Variants in TRIM49B observed in about 807,000 individuals in gnomAD.
TRIM49B encodes tripartite motif containing 49B.
A neutral mutation model predicts 31.8 loss-of-function variants in TRIM49B; 18 were observed. The observed-to-expected ratio is 0.57, with a 90% CI of 0.39 to 0.84. The LOEUF (loss-of-function observed/expected upper bound fraction) is 0.84, where lower values mean the gene tolerates loss of function less well. Among genes scored for constraint, TRIM49B ranks in the 40% least tolerant of loss-of-function variants. The pLI, the probability that TRIM49B is intolerant of heterozygous loss-of-function variation, is 0.00. For missense variants in TRIM49B, 494 were observed against 538.7 expected (o/e 0.92, Z 0.82); for synonymous variants, 196 against 180.6 (o/e 1.09, Z -0.68).
rs1162056301 is a variant in TRIM49B at position 49,035,339 on chromosome 11, ATTTTTTTTTTTTTTTTTTTTTTT to A, written c.761+238_761+260del. Among the ~76,000 whole-genome samples, 5 of 56,810 alleles carry A rather than the reference ATTTTTTTTTTTTTTTTTTTTTTT, an allele frequency of 8.8e-5. No homozygotes were observed. In the Admixed American group the frequency reaches 1.1e-3, roughly 13 times the overall value. 37.3% of individuals were successfully genotyped at this position (56,810 alleles called of 152,430 possible). On this transcript the variant is annotated intron_variant, in intron 5 of 6. Coordinates refer to ENST00000332682, the MANE Select transcript of TRIM49B (RefSeq NM_001206626.2). ...ACTAAAACAAACAATTTGATTCCTGATTTTTTTTTTTTTTTTTTTTTTTTTTTTTTTTTTTTTTGAGACGGTGT... is the reference window on the plus strand; with the variant it reads ...ACTAAAACAAACAATTTGATTCCTGATTTTTTTTTTTTTTTGAGACGGTGT...
rs183779774 is a variant in TRIM49B, at chr11:49,031,524, C to T, written c.-4-72C>T. 2.5e-4 allele frequency: 394 copies of T among 1,572,168 alleles called. No homozygotes were observed. The African/African-American group carries it at 4.7e-3, about 19-fold the overall frequency. On this transcript the variant is annotated intron_variant, in intron 1 of 6. Coordinates refer to ENST00000332682, the MANE Select transcript of TRIM49B (RefSeq NM_001206626.2). ...TCAAGAGAAGAAAATATAACTATCACATATCTCCACATGTTTAGAAGCTTT... is the reference window on the plus strand; with the variant it reads ...TCAAGAGAAGAAAATATAACTATCATATATCTCCACATGTTTAGAAGCTTT...
In TRIM49B at chr11:49,038,076, A is replaced by G; in HGVS notation, c.*99A>G. On this transcript the variant is annotated 3_prime_UTR_variant, in exon 7 of 7. Transcript: ENST00000332682. Reference sequence around the variant, plus strand: ...TTAACATACAGGACAAATAGGCTCTATTTTATATCTTGAATTGCCTTCTAA... The same window carrying G: ...TTAACATACAGGACAAATAGGCTCTGTTTTATATCTTGAATTGCCTTCTAA... 1 of 1,558,136 alleles carries G rather than the reference A, an allele frequency of 6.4e-7. No homozygotes were observed. Among genetic ancestry groups the G allele is most frequent in the Non-Finnish European group, 8.6e-7 (1 of 1,160,942 alleles).
At chr11:49,030,070 G>A (rs964391082) in intron 1 of TRIM49B, among the ~76,000 whole-genome samples, 56 of 152,086 alleles carry the variant, frequency 3.7e-4, no homozygotes, top group Non-Finnish European at 6.3e-4. Flanking sequence ...ACTGTGGCAC[G>A]TGCCTATAAT....
intron 6 of TRIM49B, 29 bp from the exon 7 acceptor site, chr11:49,037,449 T>A: frequency 1.3e-6 from 2 of 1,597,250 alleles, no homozygotes; most frequent in Non-Finnish European, 1.7e-6. Context: ...TATTTACACG[T>A]CTATGCATGT....
intron 5 of TRIM49B, among the ~76,000 whole-genome samples, chr11:49,036,080 C>A (rs1481234950): frequency 1.1e-4 from 16 of 149,944 alleles, no homozygotes; most frequent in Non-Finnish European, 7.4e-5. Flanking sequence ...ACATTTGGGG[C>A]AAAAAAAAAG....
At position 49,031,777 on chromosome 11, in the gene TRIM49B, G is replaced by A; in HGVS notation, c.178G>A (p.Gly60Arg). 1 of 1,613,962 alleles carries A rather than the reference G, an allele frequency of 6.2e-7. No homozygotes were observed. The highest frequency in any genetic ancestry group is 8.5e-7 in the Non-Finnish European group (1 of 1,179,870). Residue 60 changes from glycine (G) to arginine (R), a missense_variant, in exon 2 of 7, where the codon GGG becomes AGG. This residue lies in a region of TRIM49B where 251 missense variants were observed against 232.8 expected (regional missense o/e 1.08). Coordinates refer to ENST00000332682, the MANE Select transcript of TRIM49B (RefSeq NM_001206626.2). ...GTGCTCTGAATGCACAAAGTCAACAGGGCAGATAAACCTCAAAACCAACAT... is the reference window on the plus strand; with the variant it reads ...GTGCTCTGAATGCACAAAGTCAACAAGGCAGATAAACCTCAAAACCAACAT... ...VQCSECTKST[G>R]QINLKTNIHF...
chr11:49,037,699 T>C lies in TRIM49B; in HGVS notation c.1081T>C (p.Tyr361His), dbSNP rs1369121093. The C allele has an allele frequency of 5.6e-6, 9 of 1,613,800 alleles. No individual in the cohort carries two copies. The highest frequency in any genetic ancestry group is 4.0e-5 in the African/African-American group (3 of 74,898). The change falls in exon 7 of 7, where the codon TAT (tyrosine) becomes CAT (histidine). Residue 361 changes from tyrosine to histidine, a missense_variant. Coordinates refer to ENST00000332682, the MANE Select transcript of TRIM49B (RefSeq NM_001206626.2). ...WNWAFGVCNM[Y>H]WKEKNQNEKI... ...TTGGGCTTTTGGTGTCTGTAATATG[T>C]ATTGGAAAGAGAAGAATCAGAATGA...
intron 4 of TRIM49B, 63 bp from the exon 5 acceptor site, chr11:49,035,032 G>A (rs1208750341): frequency 2.2e-5 from 35 of 1,577,048 alleles, no homozygotes; most frequent in Non-Finnish European, 3.0e-5. Flanking sequence ...ATCTCACACT[G>A]AACTTAGTGA....
chr11:49,031,804 C>A lies in TRIM49B; in HGVS notation c.205C>A (p.His69Asn). The A allele has an allele frequency of 6.2e-7, 1 of 1,613,994 alleles. No individual in the cohort carries two copies. The highest frequency in any genetic ancestry group is 8.5e-7 in the Non-Finnish European group (1 of 1,179,880). The change falls in exon 2 of 7, where the codon CAT becomes AAT. Residue 69 changes from histidine to asparagine, a missense_variant. Transcript: ENST00000332682. ...GCAGATAAACCTCAAAACCAACATT[C>A]ATTTCAAGAAGATGGCTTCTCTTGC... ...TGQINLKTNI[H>N]FKKMASLARK...
Position 49,031,991 on chromosome 11 carries a change from C to T in TRIM49B, c.392C>T (p.Ser131Leu), listed in dbSNP as rs762386464. The T allele has an allele frequency of 1.4e-5, 23 of 1,611,956 alleles. No homozygotes were observed. Among genetic ancestry groups the T allele is most frequent in the Middle Eastern group, 2.3e-4 (1 of 4,430 alleles). ...HRDHRHCPIESAAEEHQEKLL... is the reference protein window; with the variant it reads ...HRDHRHCPIELAAEEHQEKLL... ...GATCACAGACACTGTCCCATTGAGT[C>T]GGCTGCTGAGGAACACCAGGTAAGT... Residue 131 changes from serine to leucine, a missense_variant, in exon 2 of 7, where the codon TCG becomes TTG. This residue lies in a region of TRIM49B where 251 missense variants were observed against 232.8 expected (regional missense o/e 1.08). Transcript: ENST00000332682.
intron 6 of TRIM49B, among the ~76,000 whole-genome samples, chr11:49,036,838 A>C (rs1442402766): frequency 1.3e-5 from 2 of 152,170 alleles, no homozygotes; most frequent in East Asian, 3.8e-4. Context: ...TATATTATTC[A>C]TATATTGCAA....
chr11:49,030,229 T>C (rs928513603), intron 1 of TRIM49B, among the ~76,000 whole-genome samples: 2 of 152,008 alleles, frequency 1.3e-5, no homozygotes, highest in African/African-American at 4.8e-5. Flanking sequence ...CCCAGGTACT[T>C]GGGAACCTGA....
intron 1 of TRIM49B, among the ~76,000 whole-genome samples, 157 bp downstream of exon 1, chr11:49,029,132 T>C (rs1854416875): frequency 6.7e-6 from 1 of 148,822 alleles, no homozygotes; most frequent in Non-Finnish European, 1.5e-5. Flanking sequence ...ATACTAATTG[T>C]TATTTTGTGC....
chr11:49,034,259 T>A lies in TRIM49B; in HGVS notation c.621T>A (p.Asp207Glu). ...AGATGCTGAAAAAGAAGGGGAAAGA[T>A]ATTTTTCATCGACTTCATTTAAGTA... ...NLEMLKKKGK[D>E]IFHRLHLSKA... The change falls in exon 4 of 7, where the codon GAT becomes GAA. Residue 207 changes from aspartate (D) to glutamate (E), a missense_variant. By Grantham distance (45) the Asp-to-Glu change is conservative. This residue lies in a region of TRIM49B where 10 missense variants were observed against 24.5 expected (regional missense o/e 0.41). Coordinates refer to ENST00000332682, the MANE Select transcript of TRIM49B (RefSeq NM_001206626.2). 6.2e-7 allele frequency: 1 copy of A among 1,611,974 alleles called. No individual in the cohort carries two copies. Among genetic ancestry groups the A allele is most frequent in the Non-Finnish European group, 8.5e-7 (1 of 1,179,834 alleles).
At chr11:49,033,111 A>T (rs1163292834) in intron 3 of TRIM49B, among the ~76,000 whole-genome samples, 4 of 152,208 alleles carry the variant, frequency 2.6e-5, no homozygotes, top group Admixed American at 2.6e-4. Flanking sequence ...TACGTTGAAT[A>T]TTAAATTAGA....
intron 5 of TRIM49B, 145 bp downstream of exon 5, chr11:49,035,262 A>G (rs1277820305): frequency 7.6e-6 from 10 of 1,317,864 alleles, no homozygotes; most frequent in Middle Eastern, 1.9e-4. Flanking sequence ...TTTCGTTCCC[A>G]CACCTTAAAA....
In TRIM49B at chr11:49,038,047, T is replaced by G. The variant is rs1854558683; in HGVS notation, c.*70T>G. 1.9e-6 allele frequency: 3 copies of G among 1,568,324 alleles called. No individual in the cohort carries two copies. Among genetic ancestry groups the G allele is most frequent in the Non-Finnish European group, 2.6e-6 (3 of 1,162,450 alleles). ...TTATCCCAGGAAGTCCTCTTCCTTG[T>G]GCCTTAACATACAGGACAAATAGGC... On this transcript the variant is annotated 3_prime_UTR_variant, in exon 7 of 7. Coordinates refer to ENST00000332682, the MANE Select transcript of TRIM49B (RefSeq NM_001206626.2).
intron 5 of TRIM49B, among the ~76,000 whole-genome samples, chr11:49,035,576 T>G (rs1238504552): frequency 6.6e-6 from 1 of 151,888 alleles, no homozygotes; most frequent in Non-Finnish European, 1.5e-5. Context: ...GCCAGGATGG[T>G]CTCTATCTCC....
chr11:49,030,370 C>T (rs183301402), intron 1 of TRIM49B, among the ~76,000 whole-genome samples: 1 of 152,078 alleles, frequency 6.6e-6, no homozygotes, highest in East Asian at 1.9e-4. Flanking sequence ...CTAAAAACAC[C>T]TGACACATTT....
Sources: gnomAD v4.1 joint callset for allele counts (sites outside exome capture counted in the v4.1 genomes callset) on GRCh38, gnomAD v4.1.1 for gene constraint, gnomAD v4.1.1 regional missense constraint, MANE v1.5 for transcripts, NCBI Gene and HGNC (gene_info 2026-07-23, HGNC 2026-07-21) for gene names.